ASTN1: variants seen among roughly 807,000 people sequenced by gnomAD.
The protein encoded by ASTN1 is astrotactin-1.
ASTN1 carries 41 observed loss-of-function variants against 140.7 expected under a neutral mutation model. The observed-to-expected ratio is 0.29, with a 90% confidence interval of 0.23 to 0.38. The LOEUF (loss-of-function observed/expected upper bound fraction) is 0.38. Among genes scored for constraint, ASTN1 ranks in the 10% least tolerant of loss-of-function variants. ASTN1 has a pLI of 1.00. For synonymous variants in ASTN1, 640 were observed against 652.2 expected, an observed-to-expected ratio of 0.98 and a Z score of 0.29; for missense variants, 1,479 against 1,678.8, an observed-to-expected ratio of 0.88 and a Z score of 2.08.
At chr1:176,922,575 A>T (rs1041081485) in intron 16 of ASTN1, among the ~76,000 whole-genome samples, 2 of 151,656 alleles carry the variant, frequency 1.3e-5, no homozygotes, top group Non-Finnish European at 2.9e-5. Context: ...AAAAAAAAAA[A>T]AAAAAATTCT....
rs866460770 is a variant in ASTN1, at chr1:176,868,881, C to T, written c.3610G>A (p.Glu1204Lys). ...TCATCCTCACATCGCCAGGTGAATT[C>T]CCCAAAACTCTCATAGTGCTGGTTA... The part of the protein sequence containing the change: ...HYNQHYESFG[E>K]FTWRCEDELG... Residue 1204 changes from glutamate (E) to lysine (K), a missense_variant, in exon 22 of 23, where the codon GAA becomes AAA. Around this residue, in one of 3 missense-constraint regions of ASTN1, gnomAD observed 746 missense variants for 800.9 expected, o/e 0.93. Transcript: ENST00000361833. 2.5e-6 allele frequency: 4 copies of T among 1,608,544 alleles called. No homozygotes were observed. The highest frequency in any genetic ancestry group is 3.4e-6 in the Non-Finnish European group (4 of 1,176,596).
intron 1 of ASTN1, among the ~76,000 whole-genome samples, chr1:177,147,886 C>T (rs775272538): frequency 9.2e-5 from 14 of 152,236 alleles, no homozygotes; most frequent in Admixed American, 2.6e-4. Flanking sequence ...AGAGCTCTCT[C>T]ATAAGCAATC....
chr1:176,953,821 C>T (rs563698833), intron 11 of ASTN1, among the ~76,000 whole-genome samples: 71 of 152,248 alleles, frequency 4.7e-4, no homozygotes, highest in African/African-American at 1.6e-3. Flanking sequence ...CCGATTTCTC[C>T]CCTTCCATGG....
intron 12 of ASTN1, 106 bp from the exon 13 acceptor site, chr1:176,946,226 C>G: frequency 9.2e-7 from 1 of 1,091,872 alleles, no homozygotes; most frequent in Non-Finnish European, 1.3e-6. Context: ...CATGTTGGAT[C>G]ACCAAAGATT....
At position 176,935,777 on chromosome 1, in the gene ASTN1, C is replaced by G. The variant is rs772083405; in HGVS notation, c.2482+489G>C. Among the ~76,000 whole-genome samples, 29 of 152,038 alleles carry G rather than the reference C, an allele frequency of 1.9e-4. 1 individual carries two copies. The highest frequency in any genetic ancestry group is 7.4e-5 in the Non-Finnish European group (5 of 68,018). On this transcript the variant is annotated intron_variant, in intron 15 of 22. Coordinates refer to ENST00000361833, the MANE Select transcript of ASTN1 (RefSeq NM_004319.3). ...TCTCTCTCTTTCTCTCTCTCTCTCT[C>G]TCTCTTTCTCTCAATCTCTCAGTCT... is the stretch of plus-strand genomic sequence containing the variant.
Position 176,874,792 on chromosome 1 carries a change from C to G in ASTN1, c.3463+1745G>C, listed in dbSNP as rs1365049792. Reference sequence around the variant, plus strand: ...CACTAGAACTTCATTAGCTAGGGTACTATCTCCCTCATCCCCAGTTTACCA... The same window carrying G: ...CACTAGAACTTCATTAGCTAGGGTAGTATCTCCCTCATCCCCAGTTTACCA... On this transcript the variant is annotated intron_variant, in intron 21 of 22. Coordinates refer to ENST00000361833, the MANE Select transcript of ASTN1 (RefSeq NM_004319.3). Among the ~76,000 whole-genome samples the G allele has an allele frequency of 2.0e-5, 3 of 152,080 alleles. No individual in the cohort carries two copies. In the East Asian group the frequency reaches 5.8e-4, roughly 29 times the overall value.
chr1:176,874,793 T>C (rs1315265987), intron 21 of ASTN1, among the ~76,000 whole-genome samples: 1 of 152,160 alleles, frequency 6.6e-6, no homozygotes, highest in East Asian at 1.9e-4. Flanking sequence ...GCTAGGGTAC[T>C]ATCTCCCTCA....
In ASTN1 at chr1:176,864,372, G is replaced by A. The variant is rs934363990; in HGVS notation, c.3797C>T (p.Ala1266Val). 8.7e-6 allele frequency: 14 copies of A among 1,613,900 alleles called. No homozygotes were observed. The highest frequency in any genetic ancestry group is 1.1e-5 in the South Asian group (1 of 91,070). The change falls in exon 23 of 23, where the codon GCG becomes GTG. Residue 1266 changes from alanine (A) to valine (V), a missense_variant. By Grantham distance (64) the Ala-to-Val change is moderately conservative (BLOSUM62 0). This residue lies in a region of ASTN1 where 746 missense variants were observed against 800.9 expected (regional missense o/e 0.93). Transcript: ENST00000361833. ...CTTCCTGAGGTCCCGGCTGAGCTCC[G>A]CCCAGTCAAGTCCGTAGGGTTTGAT... Reference protein sequence around the residue: ...SEIKPYGLDWAELSRDLRKTC... With the variant: ...SEIKPYGLDWVELSRDLRKTC...
intron 8 of ASTN1, among the ~76,000 whole-genome samples, chr1:176,992,271 C>G (rs967662000): frequency 2.0e-5 from 3 of 152,150 alleles, no homozygotes; most frequent in South Asian, 2.1e-4. Flanking sequence ...AGGAACATTT[C>G]CCTGGCATCC....
chr1:177,147,676 G>A (rs910911713), intron 1 of ASTN1, among the ~76,000 whole-genome samples: 3 of 152,164 alleles, frequency 2.0e-5, no homozygotes, highest in Admixed American at 2.0e-4. Context: ...CTTTGAGGCT[G>A]TCACTTCACC....
intron 16 of ASTN1, among the ~76,000 whole-genome samples, chr1:176,904,239 G>T (rs1365257929): frequency 6.6e-6 from 1 of 152,170 alleles, no homozygotes; most frequent in African/African-American, 2.4e-5. Flanking sequence ...GTAGGGGCTT[G>T]CAGTCCATCC....
intron 1 of ASTN1, among the ~76,000 whole-genome samples, chr1:177,159,066 CAAAAAAA>C (rs57759902): frequency 7.2e-4 from 54 of 74,674 alleles, no homozygotes; most frequent in Non-Finnish European, 1.4e-3. Context: ...GGATCCATCT[CAAAAAAA>C]AAAAAAAAAA....
intron 8 of ASTN1, among the ~76,000 whole-genome samples, chr1:177,005,757 G>A (rs555100373): frequency 1.3e-4 from 20 of 152,134 alleles, no homozygotes; most frequent in Admixed American, 1.0e-3. Flanking sequence ...CATGGCACCC[G>A]CCACCACGCC....
intron 8 of ASTN1, among the ~76,000 whole-genome samples, chr1:177,003,279 A>C (rs541343106): frequency 1.3e-5 from 2 of 151,850 alleles, no homozygotes; most frequent in African/African-American, 4.8e-5. Context: ...ACACATTAAA[A>C]AAAAAAAATC....
intron 1 of ASTN1, among the ~76,000 whole-genome samples, chr1:177,147,937 G>A (rs555081871): frequency 4.8e-4 from 73 of 152,272 alleles, no homozygotes; most frequent in African/African-American, 1.6e-3. Context: ...AGGGATGCCT[G>A]AACTGTTGCA....
chr1:176,908,076 T>C (rs1444576652), intron 16 of ASTN1, among the ~76,000 whole-genome samples: 2 of 152,090 alleles, frequency 1.3e-5, no homozygotes, highest in Non-Finnish European at 2.9e-5. Context: ...CCTTGTTACT[T>C]TGCCCTCTAA....
chr1:177,068,771 A>T (rs1323997977), intron 1 of ASTN1, among the ~76,000 whole-genome samples: 1 of 150,972 alleles, frequency 6.6e-6, no homozygotes, highest in Non-Finnish European at 1.5e-5. Flanking sequence ...TTTTAGAATC[A>T]GACGTTTTCT....
chr1:177,034,814 T>C (rs961951139), intron 2 of ASTN1, among the ~76,000 whole-genome samples: 2 of 152,210 alleles, frequency 1.3e-5, no homozygotes, highest in African/African-American at 4.8e-5. Context: ...CTGAGAGAAG[T>C]TGTCAGACAT....
intron 9 of ASTN1, among the ~76,000 whole-genome samples, chr1:176,961,234 A>T (rs1241577356): frequency 6.6e-6 from 1 of 152,234 alleles, no homozygotes; most frequent in East Asian, 1.9e-4. Flanking sequence ...CTCCATGTAG[A>T]GCAGGCTATA....
Sources: gnomAD v4.1 joint callset for allele counts (sites outside exome capture counted in the v4.1 genomes callset) on GRCh38, gnomAD v4.1.1 for gene constraint, gnomAD v4.1.1 regional missense constraint, MANE v1.5 for transcripts, NCBI Gene and HGNC (gene_info 2026-07-23, HGNC 2026-07-21) for gene names.